NRXN3: variants seen among roughly 807,000 people sequenced by gnomAD.
NRXN3 encodes the protein neurexin 3.
NRXN3 carries 32 observed loss-of-function variants against 137.6 expected under a neutral mutation model. The ratio of observed to expected loss-of-function variants is 0.23; its 90% confidence interval spans 0.18 to 0.31. The LOEUF is 0.31. Ranked by LOEUF, NRXN3 falls within the 10% of genes least tolerant of loss-of-function variation. NRXN3 has a pLI of 1.00. For missense variants in NRXN3, 1,574 were observed against 2,062.5 expected (o/e 0.76, Z 4.59); for synonymous variants, 798 against 784.5 (o/e 1.02, Z -0.29).
At chr14:78,903,147 CTTTT>C (rs965920523) in intron 10 of NRXN3, among the ~76,000 whole-genome samples, 3 of 121,534 alleles carry the variant, frequency 2.5e-5, no homozygotes, top group African/African-American at 3.4e-5. Flanking sequence ...GTTTCATCTT[CTTTT>C]TTTTTTTTTT....
chr14:78,801,395 G>T (rs976323142), intron 8 of NRXN3, among the ~76,000 whole-genome samples: 1 of 152,184 alleles, frequency 6.6e-6, no homozygotes, highest in African/African-American at 2.4e-5. Context: ...AGTTCTGCAT[G>T]GCTTGGGAGG....
At chr14:78,891,815 A>G (rs2099159781) in intron 10 of NRXN3, among the ~76,000 whole-genome samples, 1 of 152,004 alleles carries the variant, frequency 6.6e-6, no homozygotes, top group Admixed American at 6.6e-5. Context: ...TCTGCAATAA[A>G]TATTTGTTAA....
chr14:78,604,437 A>C (rs1408628855), intron 4 of NRXN3, among the ~76,000 whole-genome samples: 1 of 152,176 alleles, frequency 6.6e-6, no homozygotes, highest in East Asian at 1.9e-4. Flanking sequence ...GAAGAGAGTG[A>C]AAAAAGAACC....
At chr14:78,830,152 T>C (rs1191319988) in intron 10 of NRXN3, among the ~76,000 whole-genome samples, 2 of 152,156 alleles carry the variant, frequency 1.3e-5, no homozygotes, top group African/African-American at 2.4e-5. Flanking sequence ...TGCGTGTGTG[T>C]GTTATCTCCA....
chr14:78,944,145 G>T (rs980873609), intron 10 of NRXN3, among the ~76,000 whole-genome samples: 3 of 152,138 alleles, frequency 2.0e-5, no homozygotes, highest in Non-Finnish European at 4.4e-5. Context: ...GTCTGATGCA[G>T]TTCTTCACTT....
At chr14:79,531,752 G>A (rs1392696697) in intron 16 of NRXN3, among the ~76,000 whole-genome samples, 1 of 152,156 alleles carries the variant, frequency 6.6e-6, no homozygotes, top group African/African-American at 2.4e-5. Context: ...TACTATTTGG[G>A]AGCAGAAGTA....
rs199657287 is a variant in NRXN3, at chr14:78,642,958, G to A, written c.758-2162G>A. 8.5e-5 allele frequency among the ~76,000 whole-genome samples: 13 copies of A among 152,256 alleles called. No individual in the cohort carries two copies. In the East Asian group the frequency reaches 2.5e-3, roughly 29 times the overall value. On this transcript the variant is annotated intron_variant, in intron 4 of 20. Transcript: ENST00000335750. ...ATTTATAGGTGAACAGGTCTCTTTT[G>A]CTTATACCAATGTGTGTGCAAGCAG...
At position 79,265,231 on chromosome 14, in the gene NRXN3, C is replaced by CTT. The variant is rs936690790; in HGVS notation, c.3263-201967_3263-201966dup. On this transcript the variant is annotated intron_variant, in intron 15 of 20. Coordinates refer to ENST00000335750, the MANE Select transcript of NRXN3 (RefSeq NM_001330195.2). ...GAGGGTAGGAGGAATGGGGGTTGCT[C>CTT]TTTTTTTTTTTTTTTTTTTTTTTTA... 0.011 allele frequency among the ~76,000 whole-genome samples: 994 copies of CTT among 91,672 alleles called. 29 individuals are homozygous for CTT. The East Asian group carries it at 0.14, about 13-fold the overall frequency. The allele number at this position is 91,672 out of a possible 152,430, so 60.1% of individuals were successfully genotyped here. A position where few individuals can be genotyped will look rare whatever the true frequency, so the allele number is the denominator to read the frequency against.
chr14:78,825,433 G>T (rs2098963973), intron 10 of NRXN3, among the ~76,000 whole-genome samples: 1 of 152,114 alleles, frequency 6.6e-6, no homozygotes, highest in South Asian at 2.1e-4. Context: ...GTTTTGAGGT[G>T]ATTTTTCCAA....
intron 15 of NRXN3, among the ~76,000 whole-genome samples, chr14:79,027,433 T>TG (rs974924041): frequency 6.6e-6 from 1 of 152,060 alleles, no homozygotes; most frequent in African/African-American, 2.4e-5. Context: ...AGGGAACAGC[T>TG]GGGGGACTGG....
At chr14:78,358,784 A>G (rs1015865360) in intron 4 of NRXN3, among the ~76,000 whole-genome samples, 3 of 152,142 alleles carry the variant, frequency 2.0e-5, no homozygotes, top group Admixed American at 1.3e-4. Context: ...ATTCTGTTCA[A>G]AGATCACTGT....
chr14:78,893,674 G>A (rs1002149451), intron 10 of NRXN3, among the ~76,000 whole-genome samples: 3 of 151,858 alleles, frequency 2.0e-5, no homozygotes, highest in African/African-American at 7.3e-5. Context: ...TAACACTCCA[G>A]GATCTTTGTT....
chr14:79,536,808 C>A (rs528912194), intron 16 of NRXN3, among the ~76,000 whole-genome samples: 1 of 152,220 alleles, frequency 6.6e-6, no homozygotes, highest in Admixed American at 6.5e-5. Flanking sequence ...TTAATGGCTG[C>A]ATAGTATTCC....
At chr14:79,238,414 A>G (rs915645864) in intron 15 of NRXN3, among the ~76,000 whole-genome samples, 1 of 152,100 alleles carries the variant, frequency 6.6e-6, no homozygotes, top group African/African-American at 2.4e-5. Context: ...GAGGCACTTG[A>G]GGAGTGAAAC....
At chr14:79,159,553 G>A (rs1203194417) in intron 15 of NRXN3, among the ~76,000 whole-genome samples, 1 of 151,816 alleles carries the variant, frequency 6.6e-6, no homozygotes, top group African/African-American at 2.4e-5. Flanking sequence ...CAGAAATTGA[G>A]TGGATGGTCT....
chr14:79,031,415 TTAGAGA>T (rs1430632184), intron 15 of NRXN3, among the ~76,000 whole-genome samples: 1 of 152,108 alleles, frequency 6.6e-6, no homozygotes, highest in Non-Finnish European at 1.5e-5. Context: ...TCAATAATTT[TTAGAGA>T]TAGATAAAGT....
intron 15 of NRXN3, among the ~76,000 whole-genome samples, chr14:79,121,239 C>T (rs1819794359): frequency 6.6e-6 from 1 of 152,158 alleles, no homozygotes; most frequent in African/African-American, 2.4e-5. Context: ...CGACTGAGAG[C>T]ACCTGCTCCC....
intron 19 of NRXN3, among the ~76,000 whole-genome samples, chr14:79,757,455 A>G (rs2099023609): frequency 6.6e-6 from 1 of 152,216 alleles, no homozygotes; most frequent in African/African-American, 2.4e-5. Context: ...GAGAAGACCA[A>G]GCAAAATTAA....
chr14:79,006,692 T>C (rs2099553806), intron 15 of NRXN3, among the ~76,000 whole-genome samples: 1 of 152,170 alleles, frequency 6.6e-6, no homozygotes, highest in Admixed American at 6.5e-5. Flanking sequence ...AATGTGACCA[T>C]TAAAAATGGC....
Sources: gnomAD v4.1 joint callset for allele counts (sites outside exome capture counted in the v4.1 genomes callset) on GRCh38, gnomAD v4.1.1 for gene constraint, MANE v1.5 for transcripts, NCBI Gene and HGNC (gene_info 2026-07-23, HGNC 2026-07-21) for gene names.